Variants in SKAP1 observed in about 807,000 individuals in gnomAD.
SKAP1 encodes the protein src kinase associated phosphoprotein 1.
Under a neutral mutation model 58.5 loss-of-function variants are expected in SKAP1, and 44 were observed. The observed-to-expected ratio is 0.75, with a 90% CI of 0.59 to 0.97. The LOEUF is 0.97. Among genes scored for constraint, SKAP1 ranks in the 50% least tolerant of loss-of-function variants. The pLI, the probability that SKAP1 is intolerant of heterozygous loss-of-function variation, is 0.00. For synonymous variants in SKAP1, 127 were observed against 149.7 expected, an observed-to-expected ratio of 0.85 and a Z score of 1.11; for missense variants, 390 against 435.2, an observed-to-expected ratio of 0.90 and a Z score of 0.92.
At chr17:48,176,521 T>C (rs1419591937) in intron 9 of SKAP1, among the ~76,000 whole-genome samples, 1 of 152,188 alleles carries the variant, frequency 6.6e-6, no homozygotes, top group Non-Finnish European at 1.5e-5. Context: ...TAGCATTTCT[T>C]TGTGGTAGTT....
chr17:48,253,434 T>C (rs1000527477), intron 4 of SKAP1, among the ~76,000 whole-genome samples: 6 of 152,172 alleles, frequency 3.9e-5, no homozygotes, highest in African/African-American at 1.4e-4. Flanking sequence ...CAATCCACAC[T>C]ACTCTTGACT....
rs1193455012 is a variant in SKAP1, at chr17:48,147,768, C to A, written c.979-10431G>T. Reference sequence around the variant, plus strand: ...GTTTTAAGTTCTTGGCAATCACTTTCTCTTTTTCCATTATTCAGAGTTTTG... The same window carrying A: ...GTTTTAAGTTCTTGGCAATCACTTTATCTTTTTCCATTATTCAGAGTTTTG... On this transcript the variant is annotated intron_variant, in intron 11 of 12. Coordinates refer to ENST00000336915, the MANE Select transcript of SKAP1 (RefSeq NM_003726.4). Among the ~76,000 whole-genome samples, 3 of 152,260 alleles carry A rather than the reference C, an allele frequency of 2.0e-5. No individual in the cohort carries two copies. The East Asian group carries it at 5.8e-4, about 29-fold the overall frequency.
intron 4 of SKAP1, chr17:48,344,232 A>G (rs2066692956): frequency 1.9e-6 from 1 of 516,856 alleles, no homozygotes; most frequent in Non-Finnish European, 2.5e-6. Flanking sequence ...TGTTTTCTAT[A>G]TAAAGTTTTG....
intron 11 of SKAP1, among the ~76,000 whole-genome samples, chr17:48,157,166 C>T (rs1374782081): frequency 2.0e-5 from 3 of 151,888 alleles, no homozygotes; most frequent in Non-Finnish European, 4.4e-5. Flanking sequence ...AATAACCCGT[C>T]TGTTACAGGC....
chr17:48,266,506 T>A (rs998293480), intron 4 of SKAP1, among the ~76,000 whole-genome samples: 2 of 151,132 alleles, frequency 1.3e-5, no homozygotes, highest in African/African-American at 4.9e-5. Context: ...TTTTCTTTTC[T>A]TACTTTCTTT....
At chr17:48,133,921 T>A (rs1326529717) in intron 12 of SKAP1, 105 bp from the exon 13 acceptor site, 3 of 152,244 alleles carry the variant, frequency 2.0e-5, no homozygotes, top group Non-Finnish European at 4.4e-5. Flanking sequence ...TCACAGTTTC[T>A]CTGTCCTTGG....
chr17:48,193,811 G>A, intron 4 of SKAP1: 1 of 747,382 alleles, frequency 1.3e-6, no homozygotes, highest in Non-Finnish European at 1.6e-6. Flanking sequence ...ACTACTTAAT[G>A]CATAATAGAA....
chr17:48,363,113 T>G (rs963536305), intron 3 of SKAP1, among the ~76,000 whole-genome samples: 1 of 152,244 alleles, frequency 6.6e-6, no homozygotes, highest in Non-Finnish European at 1.5e-5. Context: ...ATTTCAATTC[T>G]GAACCTTTTA....
At chr17:48,314,151 CA>C (rs2066259931) in intron 4 of SKAP1, among the ~76,000 whole-genome samples, 1 of 152,146 alleles carries the variant, frequency 6.6e-6, no homozygotes, top group African/African-American at 2.4e-5. Flanking sequence ...AGTTAAACAG[CA>C]AAGAGTAAAC....
intron 4 of SKAP1, among the ~76,000 whole-genome samples, chr17:48,190,984 CAAAA>C (rs2064536300): frequency 6.6e-6 from 1 of 152,042 alleles, no homozygotes; most frequent in Non-Finnish European, 1.5e-5. Flanking sequence ...GACTTCGTCT[CAAAA>C]CAAAACAAAC....
intron 4 of SKAP1, among the ~76,000 whole-genome samples, chr17:48,292,143 A>AAAAAAG (rs2065906585): frequency 6.7e-6 from 1 of 150,170 alleles, no homozygotes; most frequent in African/African-American, 2.4e-5. Context: ...AAAAAAAAAA[A>AAAAAAG]AAAGAAAGAA....
At chr17:48,198,097 G>A (rs1023470575) in intron 4 of SKAP1, among the ~76,000 whole-genome samples, 2 of 152,224 alleles carry the variant, frequency 1.3e-5, no homozygotes, top group Middle Eastern at 3.4e-3. Flanking sequence ...CTTCTCAATC[G>A]TGAAACATTG....
chr17:48,205,013 CTT>C (rs35138934), intron 4 of SKAP1, among the ~76,000 whole-genome samples: 37,760 of 74,868 alleles, frequency 0.5, 6,873 homozygotes, highest in African/African-American at 0.58. Flanking sequence ...TTCTTTCTTT[CTT>C]TTTCTTTCTT....
At chr17:48,184,100 T>C (rs896539567) in intron 7 of SKAP1, among the ~76,000 whole-genome samples, 3 of 152,084 alleles carry the variant, frequency 2.0e-5, no homozygotes, top group African/African-American at 7.2e-5. Flanking sequence ...ATGGCAAAAA[T>C]AAAATAAAAC....
chr17:48,248,779 C>T (rs1257569359), intron 4 of SKAP1: 4 of 151,982 alleles, frequency 2.6e-5, no homozygotes, highest in African/African-American at 9.7e-5. Flanking sequence ...AGGAAGGGCT[C>T]CCTGGGAGTG....
At chr17:48,400,465 G>A (rs553892365) in intron 1 of SKAP1, among the ~76,000 whole-genome samples, 56 of 152,218 alleles carry the variant, frequency 3.7e-4, no homozygotes, top group African/African-American at 1.3e-3. Flanking sequence ...TTCCATTTAA[G>A]ATAGCATGTA....
chr17:48,287,692 A>G (rs942612849), intron 4 of SKAP1, among the ~76,000 whole-genome samples: 1 of 152,194 alleles, frequency 6.6e-6, no homozygotes, highest in African/African-American at 2.4e-5. Context: ...TTTGCTTGCT[A>G]TTATTTATCA....
At chr17:48,178,813 A>G (rs1410251618) in intron 9 of SKAP1, among the ~76,000 whole-genome samples, 1 of 152,214 alleles carries the variant, frequency 6.6e-6, no homozygotes, top group African/African-American at 2.4e-5. Flanking sequence ...CTCAACCAAG[A>G]TATCATTTGC....
chr17:48,231,643 C>T (rs923788633), intron 4 of SKAP1, among the ~76,000 whole-genome samples: 2 of 151,884 alleles, frequency 1.3e-5, no homozygotes, highest in South Asian at 2.1e-4. Context: ...AGTGGGAGTA[C>T]TAGGACCCAC....
Sources: gnomAD v4.1 joint callset for allele counts (sites outside exome capture counted in the v4.1 genomes callset) on GRCh38, gnomAD v4.1.1 for gene constraint, MANE v1.5 for transcripts, NCBI Gene and HGNC (gene_info 2026-07-23, HGNC 2026-07-21) for gene names.